PINK1: variants seen among roughly 807,000 people sequenced by gnomAD.
The protein encoded by PINK1 is serine/threonine-protein kinase PINK1, mitochondrial.
PINK1 carries 58 observed loss-of-function variants against 56.0 expected under a neutral mutation model. The ratio of observed to expected loss-of-function variants is 1.04; its 90% CI spans 0.84 to 1.29. The LOEUF is 1.29. Ranked by LOEUF, PINK1 falls within the 50% of genes most tolerant of loss-of-function variation. The probability of loss-of-function intolerance (pLI) is 0.00; values close to 1 mark genes in which losing one functional copy is unlikely to be tolerated. For synonymous variants in PINK1, 354 were observed against 339.3 expected (o/e 1.04, Z -0.48); for missense variants, 745 against 777.9 (o/e 0.96, Z 0.50).
In PINK1 at chr1:20,645,703, T is replaced by A. The variant is rs774647122; in HGVS notation, c.1103T>A (p.Ile368Asn). Residue 368 changes from isoleucine (I) to asparagine (N), a missense_variant, in exon 5 of 8, where the codon ATC (isoleucine) becomes AAC (asparagine). Coordinates refer to ENST00000321556, the MANE Select transcript of PINK1 (RefSeq NM_032409.3). ...CACAGAGACCTGAAATCCGACAACA[T>A]CCTTGTGGAGCTGGACCCAGGTAGG... ...IAHRDLKSDN[I>N]LVELDPDGCP... The A allele has an allele frequency of 2.5e-6, 4 of 1,613,994 alleles. No homozygotes were observed. Among genetic ancestry groups the A allele is most frequent in the Non-Finnish European group, 3.4e-6 (4 of 1,180,004 alleles).
At chr1:20,648,914 C>A in intron 6 of PINK1, 81 bp from the exon 7 acceptor site, 1 of 1,474,616 alleles carries the variant, frequency 6.8e-7, no homozygotes, top group Non-Finnish European at 9.5e-7. Context: ...TTCAGATTAG[C>A]CCATGGATCA....
At chr1:20,648,726 T>C (rs1570407467) in intron 6 of PINK1, 94 bp downstream of exon 6, 1 of 1,558,104 alleles carries the variant, frequency 6.4e-7, no homozygotes, top group East Asian at 2.4e-5. Context: ...ACCCAACACC[T>C]CCATCTTTTC....
At chr1:20,636,834 A>G (rs1010998697) in intron 1 of PINK1, among the ~76,000 whole-genome samples, 5 of 152,136 alleles carry the variant, frequency 3.3e-5, no homozygotes, top group Non-Finnish European at 7.3e-5. Context: ...GCAATACTAT[A>G]GAAACAGGGG....
chr1:20,649,281 T>A, intron 7 of PINK1, 50 bp downstream of exon 7: 1 of 1,589,610 alleles, frequency 6.3e-7, no homozygotes, highest in Non-Finnish European at 8.6e-7. Context: ...AAACCTCTGT[T>A]CTCGTTCCAG....
intron 4 of PINK1, among the ~76,000 whole-genome samples, chr1:20,645,141 A>T (rs1454027286): frequency 6.6e-6 from 1 of 152,148 alleles, no homozygotes; most frequent in Admixed American, 6.6e-5. Flanking sequence ...GAAAAGTGGG[A>T]ATCAAAGTGC....
chr1:20,649,295 G>A, intron 7 of PINK1, 64 bp downstream of exon 7: 2 of 1,556,682 alleles, frequency 1.3e-6, no homozygotes, highest in Non-Finnish European at 1.8e-6. Flanking sequence ...GTTCCAGAGT[G>A]AAGGTCAGGT....
At chr1:20,636,787 T>G (rs1049842791) in intron 1 of PINK1, among the ~76,000 whole-genome samples, 4 of 152,054 alleles carry the variant, frequency 2.6e-5, no homozygotes, top group African/African-American at 4.8e-5. Context: ...GGAGCTTGAG[T>G]TGGGCTTGAT....
chr1:20,649,343 G>A, intron 7 of PINK1, 112 bp downstream of exon 7: 1 of 1,151,112 alleles, frequency 8.7e-7, no homozygotes, highest in Non-Finnish European at 1.3e-6. Context: ...TCTGTGTTAG[G>A]AAGGTAAAGG....
In PINK1 at chr1:20,639,924, A is replaced by C. The variant is rs1243516235; in HGVS notation, c.708A>C (p.Thr236=). 5.0e-6 allele frequency: 8 copies of C among 1,613,330 alleles called. No homozygotes were observed. Among genetic ancestry groups the C allele is most frequent in the Admixed American group, 1.7e-5 (1 of 59,962 alleles). Residue 236 remains threonine, a synonymous_variant, in exon 3 of 8, where the codon ACA becomes ACC. Transcript: ENST00000321556. ...AGSSSEAILN[T]MSQELVPASR... ...CCTCCAGCGAAGCCATCTTGAACAC[A>C]ATGAGCCAGGAGCTGGTCCCAGCGA...
Position 20,646,998 on chromosome 1 carries a change from G to A in PINK1, c.1123+1275G>A, listed in dbSNP as rs894258253. 4.7e-5 allele frequency among the ~76,000 whole-genome samples: 7 copies of A among 150,294 alleles called. No homozygotes were observed. The South Asian group carries it at 6.3e-4, about 14-fold the overall frequency. ...AGGTTCAAGCAATTCTCGTGCCTCC[G>A]CCTCCTGAGTAGCTAGGATTACAGG... On this transcript the variant is annotated intron_variant, in intron 5 of 7. Transcript: ENST00000321556.
rs1303202391 is a variant in PINK1 at position 20,644,502 on chromosome 1, A to C, written c.789A>C (p.Arg263Ser). 2 of 1,614,154 alleles carry C rather than the reference A, an allele frequency of 1.2e-6. No homozygotes were observed. The highest frequency in any genetic ancestry group is 1.7e-6 in the Non-Finnish European group (2 of 1,180,026). The change falls in exon 4 of 8, where the codon AGA becomes AGC. Residue 263 changes from arginine (R) to serine (S), a missense_variant. Physicochemically the swap from Arg to Ser is moderately radical, Grantham distance 110. Transcript: ENST00000321556. ...CTTGGCTGACTAGAAAATCCAAGAG[A>C]GGTCCCAAGCAACTAGCCCCTCACC... is the stretch of plus-strand genomic sequence containing the variant. ...YGAVTYRKSK[R>S]GPKQLAPHPN...
rs548701521 is a variant in PINK1 at position 20,648,527 on chromosome 1, C to T, written c.1146C>T (p.Ile382=). The T allele has an allele frequency of 1.7e-5, 27 of 1,614,014 alleles. No individual in the cohort carries two copies. Among genetic ancestry groups the T allele is most frequent in the Middle Eastern group, 1.6e-4 (1 of 6,082 alleles). The change falls in exon 6 of 8, where the codon ATC becomes ATT. Residue 382 remains isoleucine, a synonymous_variant. Transcript: ENST00000321556. ...CAGACGGCTGCCCCTGGCTGGTGAT[C>T]GCAGATTTTGGCTGCTGCCTGGCTG... ...LDPDGCPWLV[I]ADFGCCLADE... is the part of the protein sequence containing the mutation.
chr1:20,650,977 C>G lies in PINK1; in HGVS notation c.*286C>G. ...CACAGAGAGGATCCAGGCCAAGGCA[C>G]TGGCTGTCAGTGGCAGAGTTTGGCT... On this transcript the variant is annotated 3_prime_UTR_variant, in exon 8 of 8. Coordinates refer to ENST00000321556, the MANE Select transcript of PINK1 (RefSeq NM_032409.3). The G allele has an allele frequency of 2.1e-6, 1 of 477,914 alleles. No homozygotes were observed. Among genetic ancestry groups the G allele is most frequent in the Non-Finnish European group, 3.9e-6 (1 of 259,314 alleles). The allele number at this position is 477,914 out of a possible 1,614,324, so 29.6% of individuals were successfully genotyped here. A position where few individuals can be genotyped will look rare whatever the true frequency, so the allele number is the denominator to read the frequency against.
chr1:20,645,160 G>A (rs751911696), intron 4 of PINK1, among the ~76,000 whole-genome samples: 44 of 152,192 alleles, frequency 2.9e-4, no homozygotes, highest in Non-Finnish European at 5.1e-4. Flanking sequence ...GCTCCTGGAA[G>A]GGGAAGAGGA....
At chr1:20,637,282 C>G (rs1387523371) in intron 1 of PINK1, among the ~76,000 whole-genome samples, 1 of 152,244 alleles carries the variant, frequency 6.6e-6, no homozygotes, top group African/African-American at 2.4e-5. Flanking sequence ...GCACCTCCAT[C>G]TATTTCTGTC....
intron 1 of PINK1, among the ~76,000 whole-genome samples, chr1:20,634,917 T>TC (rs1340196681): frequency 6.6e-6 from 1 of 152,228 alleles, no homozygotes; most frequent in Non-Finnish European, 1.5e-5. Context: ...TTTCCTGGTT[T>TC]CCATCCCAGT....
At chr1:20,645,438 A>G (rs2053166201) in intron 4 of PINK1, 122 bp from the exon 5 acceptor site, 1 of 1,177,178 alleles carries the variant, frequency 8.5e-7, no homozygotes, top group Non-Finnish European at 1.2e-6. Flanking sequence ...GCAGTGAGCC[A>G]AGATCGTGCT....
chr1:20,644,032 G>C (rs1052293609), intron 3 of PINK1, among the ~76,000 whole-genome samples: 6 of 151,852 alleles, frequency 4.0e-5, no homozygotes, highest in Non-Finnish European at 8.8e-5. Flanking sequence ...TGTGAATGTG[G>C]TCTCTCTCTC....
At position 20,637,238 on chromosome 1, in the gene PINK1, C is replaced by G. The variant is rs960890995; in HGVS notation, c.388-604C>G. ...GACCCACCAGATTTTTGTCACATGG[C>G]CTCTTTCCCAGTGCAGCACTGCCCC... On this transcript the variant is annotated intron_variant, in intron 1 of 7. Transcript: ENST00000321556. Among the ~76,000 whole-genome samples, 3 of 152,330 alleles carry G rather than the reference C, an allele frequency of 2.0e-5. No individual in the cohort carries two copies. In the East Asian group the frequency reaches 5.8e-4, roughly 29 times the overall value.
Sources: allele counts gnomAD v4.1 joint callset (sites outside exome capture counted in the v4.1 genomes callset), GRCh38; gene constraint gnomAD v4.1.1; transcripts MANE v1.5; gene names NCBI Gene and HGNC (gene_info 2026-07-23, HGNC 2026-07-21).